MYOZ2: variants seen among roughly 807,000 people sequenced by gnomAD.
MYOZ2 encodes the protein myozenin-2.
In MYOZ2, 19 loss-of-function variants were observed where a neutral mutation model predicts 25.4. That is an observed-to-expected ratio of 0.75 (90% CI 0.52 to 1.10). The LOEUF (loss-of-function observed/expected upper bound fraction) is 1.10, where lower values mean the gene tolerates loss of function less well. Ranked by LOEUF, MYOZ2 falls within the 50% of genes least tolerant of loss-of-function variation. MYOZ2 has a pLI of 0.00. For missense variants in MYOZ2, 270 were observed against 317.9 expected, an observed-to-expected ratio of 0.85 and a Z score of 1.15; for synonymous variants, 92 against 106.9, an observed-to-expected ratio of 0.86 and a Z score of 0.86.
At chr4:119,170,035 T>C (rs1741914844) in intron 5 of MYOZ2, among the ~76,000 whole-genome samples, 1 of 152,164 alleles carries the variant, frequency 6.6e-6, no homozygotes, top group Non-Finnish European at 1.5e-5. Context: ...AAATGAACTA[T>C]CTTAATCACT....
chr4:119,139,958 T>G (rs1741126849), intron 2 of MYOZ2, among the ~76,000 whole-genome samples: 1 of 152,104 alleles, frequency 6.6e-6, no homozygotes, highest in Admixed American at 6.6e-5. Flanking sequence ...TTTTTTAACT[T>G]CAGGAAGAGA....
chr4:119,163,517 A>C (rs1053819000), intron 4 of MYOZ2, among the ~76,000 whole-genome samples: 2 of 152,240 alleles, frequency 1.3e-5, no homozygotes, highest in African/African-American at 4.8e-5. Context: ...CGTGACTTTT[A>C]AACAGTATTT....
chr4:119,136,609 T>C lies in MYOZ2; in HGVS notation c.76+8T>C, dbSNP rs773231367. On this transcript the variant is annotated splice_region_variant and intron_variant, in intron 2 of 5. Coordinates refer to ENST00000307128, the MANE Select transcript of MYOZ2 (RefSeq NM_016599.5). ...AGGAAGTCCATGGAAATGGTATCAA[T>C]AAAAATCCTTCGTAGCATTAATATA... 1.7e-5 allele frequency: 27 copies of C among 1,610,902 alleles called. No homozygotes were observed. The highest frequency in any genetic ancestry group is 2.0e-5 in the Non-Finnish European group (24 of 1,177,532).
At chr4:119,141,566 G>T (rs1741159403) in intron 2 of MYOZ2, among the ~76,000 whole-genome samples, 1 of 152,010 alleles carries the variant, frequency 6.6e-6, no homozygotes, top group Non-Finnish European at 1.5e-5. Context: ...TATTTTTTTA[G>T]TAGAGACATT....
chr4:119,173,760 A>C (rs1741993200), intron 5 of MYOZ2, among the ~76,000 whole-genome samples: 1 of 151,824 alleles, frequency 6.6e-6, no homozygotes, highest in Non-Finnish European at 1.5e-5. Flanking sequence ...CCACTCCCTC[A>C]CCTCAGCTTG....
At chr4:119,165,485 T>C (rs1741803619) in intron 5 of MYOZ2, among the ~76,000 whole-genome samples, 1 of 152,096 alleles carries the variant, frequency 6.6e-6, no homozygotes, top group African/African-American at 2.4e-5. Context: ...CACTCTAGCC[T>C]GGGCAAATAG....
At chr4:119,164,180 A>G (rs932164368) in intron 4 of MYOZ2, 31 bp from the exon 5 acceptor site, 20 of 1,598,654 alleles carry the variant, frequency 1.3e-5, no homozygotes, top group Non-Finnish European at 1.7e-5. Context: ...CGGGCACAGT[A>G]TTTACTTACT....
chr4:119,141,026 T>G (rs1251074735), intron 2 of MYOZ2, among the ~76,000 whole-genome samples: 1 of 152,232 alleles, frequency 6.6e-6, no homozygotes, highest in African/African-American at 2.4e-5. Flanking sequence ...CAGTCTGGAC[T>G]ATGATCTTAC....
In MYOZ2 at chr4:119,151,017, G is replaced by A. The variant is rs768381091; in HGVS notation, c.222G>A (p.Gln74=). Residue 74 remains glutamine, a synonymous_variant, in exon 3 of 6, where the codon CAG becomes CAA. Transcript: ENST00000307128. ...ACAAATACACATTTGAAAATTTCCAGTATCAATCTAGAGCACAAATAAATG... is the reference window on the plus strand; with the variant it reads ...ACAAATACACATTTGAAAATTTCCAATATCAATCTAGAGCACAAATAAATG... ...RSDKYTFENF[Q]YQSRAQINHS... The A allele has an allele frequency of 7.4e-6, 12 of 1,613,028 alleles. No homozygotes were observed. Among genetic ancestry groups the A allele is most frequent in the Non-Finnish European group, 7.6e-6 (9 of 1,179,092 alleles).
In MYOZ2 at chr4:119,186,000, T is replaced by A. The variant is rs777163109; in HGVS notation, c.595T>A (p.Ser199Thr). Residue 199 changes from serine (S) to threonine (T), a missense_variant, in exon 6 of 6, where the codon TCA (serine) becomes ACA (threonine). Coordinates refer to ENST00000307128, the MANE Select transcript of MYOZ2 (RefSeq NM_016599.5). ...ATPFGGFEKA[S>T]RMVKFKVPDF... ...ACCATTTGGAGGTTTTGAAAAAGCA[T>A]CAAGAATGGTTAAATTTAAAGTTCC... 6.2e-7 allele frequency: 1 copy of A among 1,613,952 alleles called. No individual in the cohort carries two copies.
chr4:119,179,739 C>T (rs188758137), intron 5 of MYOZ2, among the ~76,000 whole-genome samples: 1 of 152,242 alleles, frequency 6.6e-6, no homozygotes, highest in East Asian at 1.9e-4. Context: ...CAAGATCAAA[C>T]TGCCAGCATT....
At chr4:119,150,493 A>G (rs531350182) in intron 2 of MYOZ2, among the ~76,000 whole-genome samples, 14 of 151,924 alleles carry the variant, frequency 9.2e-5, no homozygotes, top group Middle Eastern at 3.4e-3. Context: ...TAAAGCTGAC[A>G]CATAAAAATG....
chr4:119,181,498 T>C (rs1742184323), intron 5 of MYOZ2, among the ~76,000 whole-genome samples: 1 of 152,200 alleles, frequency 6.6e-6, no homozygotes, highest in Non-Finnish European at 1.5e-5. Context: ...ACATAACATT[T>C]TATTGTCTTC....
At chr4:119,143,595 G>A (rs771281963) in intron 2 of MYOZ2, among the ~76,000 whole-genome samples, 2 of 152,276 alleles carry the variant, frequency 1.3e-5, no homozygotes, top group Middle Eastern at 3.4e-3. Context: ...TTTGTGTTAC[G>A]CAGTTCTACG....
At chr4:119,173,295 G>T (rs140665432) in intron 5 of MYOZ2, among the ~76,000 whole-genome samples, 27 of 152,298 alleles carry the variant, frequency 1.8e-4, no homozygotes, top group Middle Eastern at 3.4e-3. Flanking sequence ...TATGTTTGAA[G>T]AATTTCTATG....
chr4:119,186,161 T>G lies in MYOZ2; in HGVS notation c.756T>G (p.Pro252=). The change falls in exon 6 of 6, where the codon CCT becomes CCG. Residue 252 remains proline, a synonymous_variant. Coordinates refer to ENST00000307128, the MANE Select transcript of MYOZ2 (RefSeq NM_016599.5). The part of the protein sequence containing the change: ...ENIPIVITTE[P]TDDTTVPESE... ...TTCCTATAGTGATAACAACCGAACC[T>G]ACAGATGATACCACTGTACCAGAAT... 1 of 1,613,744 alleles carries G rather than the reference T, an allele frequency of 6.2e-7. No homozygotes were observed. Among genetic ancestry groups the G allele is most frequent in the Non-Finnish European group, 8.5e-7 (1 of 1,179,710 alleles).
At chr4:119,141,296 A>G (rs62326299) in intron 2 of MYOZ2, among the ~76,000 whole-genome samples, 34,340 of 152,214 alleles carry the variant, frequency 0.23, 4,560 homozygotes, top group South Asian at 0.36. Flanking sequence ...TTTGCAAACT[A>G]TGGATTAGAT....
chr4:119,175,482 C>A (rs1233390888), intron 5 of MYOZ2, among the ~76,000 whole-genome samples: 2 of 152,032 alleles, frequency 1.3e-5, no homozygotes, highest in African/African-American at 4.8e-5. Flanking sequence ...AACAATGGGC[C>A]AGGTGCAGTG....
At chr4:119,171,607 G>A (rs973459873) in intron 5 of MYOZ2, among the ~76,000 whole-genome samples, 2 of 151,362 alleles carry the variant, frequency 1.3e-5, no homozygotes, top group African/African-American at 4.8e-5. Flanking sequence ...TTTCCCTATT[G>A]TAGGTTAACA....
Sources: allele counts gnomAD v4.1 joint callset (sites outside exome capture counted in the v4.1 genomes callset), GRCh38; gene constraint gnomAD v4.1.1; transcripts MANE v1.5; gene names NCBI Gene and HGNC (gene_info 2026-07-23, HGNC 2026-07-21).